The following ANO10 variants were observed in gnomAD, a reference collection of about 807,000 sequenced individuals.
ANO10 encodes anoctamin-10.
Under a neutral mutation model 74.7 loss-of-function variants are expected in ANO10, and 77 were observed. The observed-to-expected ratio is 1.03, with a 90% CI of 0.86 to 1.25. The LOEUF (loss-of-function observed/expected upper bound fraction) is 1.25, where lower values mean the gene tolerates loss of function less well. Ranked by LOEUF, ANO10 falls within the 50% of genes most tolerant of loss-of-function variation. The probability of loss-of-function intolerance (pLI) is 0.00; values close to 1 mark genes in which losing one functional copy is unlikely to be tolerated. For missense variants in ANO10, 721 were observed against 778.1 expected, an observed-to-expected ratio of 0.93 and a Z score of 0.87; for synonymous variants, 279 against 284.9, an observed-to-expected ratio of 0.98 and a Z score of 0.21.
At chr3:43,465,780 A>G (rs2075585730) in intron 11 of ANO10, among the ~76,000 whole-genome samples, 1 of 152,228 alleles carries the variant, frequency 6.6e-6, no homozygotes, top group Non-Finnish European at 1.5e-5. Context: ...TTAGGGATGA[A>G]TACAATATGT....
In ANO10 at chr3:43,528,616, T is replaced by C. The variant is rs1012999473; in HGVS notation, c.1797+21104A>G. 3.3e-5 allele frequency among the ~76,000 whole-genome samples: 5 copies of C among 150,978 alleles called. No homozygotes were observed. In the East Asian group the frequency reaches 9.7e-4, roughly 29 times the overall value. ...TAATAAGGGACACTGAAGAAAAGCTTGAAAAACTAAGAGGACAAAAATAAA... is the reference window on the plus strand; with the variant it reads ...TAATAAGGGACACTGAAGAAAAGCTCGAAAAACTAAGAGGACAAAAATAAA... On this transcript the variant is annotated intron_variant, in intron 11 of 12. Transcript: ENST00000292246.
chr3:43,386,239 G>A (rs142746253), intron 12 of ANO10, among the ~76,000 whole-genome samples: 1 of 152,230 alleles, frequency 6.6e-6, no homozygotes, highest in Admixed American at 6.5e-5. Flanking sequence ...CTGGCTGATG[G>A]CCACTCCTCT....
chr3:43,667,020 T>A (rs1023074226), intron 1 of ANO10, among the ~76,000 whole-genome samples: 1 of 151,828 alleles, frequency 6.6e-6, no homozygotes, highest in Non-Finnish European at 1.5e-5. Context: ...TTGGATCTTG[T>A]TTTTTGACCC....
At position 43,574,810 on chromosome 3, in the gene ANO10, A is replaced by T. The variant is rs749770988; in HGVS notation, c.1217T>A (p.Val406Glu). The T allele has an allele frequency of 6.2e-7, 1 of 1,613,386 alleles. No homozygotes were observed. Among genetic ancestry groups the T allele is most frequent in the South Asian group, 1.1e-5 (1 of 91,054 alleles). ...TTTGTACATAAACGCTGTACTTACC[A>T]CTAAAACTTTCAGAATTAGATGGTT... ...YQNHLILKVL[V>E]FNFLNCFASL... Residue 406 changes from valine (V) to glutamate (E), a missense_variant and splice_region_variant, in exon 7 of 13, where the codon GTG becomes GAG. Coordinates refer to ENST00000292246, the MANE Select transcript of ANO10 (RefSeq NM_018075.5).
intron 12 of ANO10, among the ~76,000 whole-genome samples, chr3:43,422,352 T>C (rs1479959331): frequency 6.6e-6 from 1 of 152,172 alleles, no homozygotes; most frequent in African/African-American, 2.4e-5. Flanking sequence ...CCTGACCTTG[T>C]GGTCCGCCTG....
intron 11 of ANO10, among the ~76,000 whole-genome samples, chr3:43,440,609 G>A (rs538909979): frequency 6.7e-6 from 1 of 148,904 alleles, no homozygotes; most frequent in East Asian, 1.9e-4. Flanking sequence ...CGTAATAGTA[G>A]GAGATTTCAA....
At chr3:43,387,280 C>A (rs185922764) in intron 12 of ANO10, among the ~76,000 whole-genome samples, 108 of 152,282 alleles carry the variant, frequency 7.1e-4, no homozygotes, top group Non-Finnish European at 1.2e-3. Flanking sequence ...TATATGTGGT[C>A]CGTCATTGAC....
chr3:43,596,235 C>T (rs1318340493), intron 4 of ANO10, among the ~76,000 whole-genome samples: 1 of 152,178 alleles, frequency 6.6e-6, no homozygotes, highest in Non-Finnish European at 1.5e-5. Flanking sequence ...CTACCAATGA[C>T]TTTCTTCACA....
intron 12 of ANO10, among the ~76,000 whole-genome samples, chr3:43,408,942 G>A (rs1165592098): frequency 2.6e-5 from 4 of 152,080 alleles, no homozygotes; most frequent in Non-Finnish European, 4.4e-5. Context: ...TGAGGTGGGA[G>A]AATACCTTGA....
At chr3:43,500,373 C>A (rs1212864975) in intron 11 of ANO10, among the ~76,000 whole-genome samples, 1 of 152,100 alleles carries the variant, frequency 6.6e-6, no homozygotes, top group Non-Finnish European at 1.5e-5. Flanking sequence ...TTTTTCTGAT[C>A]TTATCAAAAG....
chr3:43,676,929 C>T (rs991146105), intron 1 of ANO10, among the ~76,000 whole-genome samples: 21 of 151,994 alleles, frequency 1.4e-4, no homozygotes, highest in Middle Eastern at 3.4e-3. Context: ...GGGATGATTT[C>T]TATAAAAGGA....
intron 11 of ANO10, among the ~76,000 whole-genome samples, chr3:43,472,917 GT>G (rs1168556924): frequency 6.6e-6 from 1 of 152,088 alleles, no homozygotes; most frequent in African/African-American, 2.4e-5. Context: ...GTTTTTATCT[GT>G]ATGGTCTGTA....
At chr3:43,577,383 G>C in intron 5 of ANO10, 122 bp from the exon 6 acceptor site, 1 of 961,800 alleles carries the variant, frequency 1.0e-6, no homozygotes, top group Non-Finnish European at 1.6e-6. Flanking sequence ...TTCCCAAACA[G>C]CGTGTGGTGG....
At chr3:43,566,373 T>G (rs367901725) in intron 7 of ANO10, among the ~76,000 whole-genome samples, 7,074 of 152,296 alleles carry the variant, frequency 0.046, 191 homozygotes, top group Non-Finnish European at 0.059. Context: ...AGGCTCCACC[T>G]CTGGGGGCAG....
At chr3:43,539,806 C>T (rs946876926) in intron 11 of ANO10, among the ~76,000 whole-genome samples, 2 of 152,192 alleles carry the variant, frequency 1.3e-5, no homozygotes, top group African/African-American at 4.8e-5. Context: ...TTTTCTAATG[C>T]TTACCTCCTT....
At chr3:43,666,871 TTAAA>T (rs948978184) in intron 1 of ANO10, among the ~76,000 whole-genome samples, 19 of 152,104 alleles carry the variant, frequency 1.2e-4, no homozygotes, top group Non-Finnish European at 4.4e-5. Flanking sequence ...ATTGTACACC[TTAAA>T]TATATACAGT....
intron 1 of ANO10, among the ~76,000 whole-genome samples, chr3:43,611,743 T>C (rs1038484156): frequency 6.6e-6 from 1 of 152,144 alleles, no homozygotes; most frequent in African/African-American, 2.4e-5. Context: ...ATATTAAAAC[T>C]CTGGAATTAA....
Position 43,580,393 on chromosome 3 carries a change from G to C in ANO10, c.552C>G (p.Asp184Glu). 1.2e-6 allele frequency: 2 copies of C among 1,614,102 alleles called. No individual in the cohort carries two copies. The highest frequency in any genetic ancestry group is 1.7e-6 in the Non-Finnish European group (2 of 1,180,014). The stretch of plus-strand genomic sequence containing the variant: ...TCAAAGCAAACCGAGTGTACCAGGT[G>C]TCCTCAAGCTTCTTCAGGGCTTCAC... ...HDSEALKKLEDTWYTRFALKY... is the reference protein window; with the variant it reads ...HDSEALKKLEETWYTRFALKY... Residue 184 changes from aspartate to glutamate, a missense_variant, in exon 5 of 13, where the codon GAC becomes GAG. Transcript: ENST00000292246.
intron 12 of ANO10, among the ~76,000 whole-genome samples, chr3:43,402,282 A>G (rs2092495741): frequency 6.6e-6 from 1 of 152,216 alleles, no homozygotes; most frequent in Non-Finnish European, 1.5e-5. Flanking sequence ...TAAGAAGTGG[A>G]CATGGCTAAC....
Sources: gnomAD v4.1 joint callset for allele counts (sites outside exome capture counted in the v4.1 genomes callset) on GRCh38, gnomAD v4.1.1 for gene constraint, MANE v1.5 for transcripts, NCBI Gene and HGNC (gene_info 2026-07-23, HGNC 2026-07-21) for gene names.